ATP10B: variants seen among roughly 807,000 people sequenced by gnomAD.
ATP10B encodes the protein ATPase phospholipid transporting 10B (putative).
ATP10B carries 122 observed loss-of-function variants against 141.2 expected under a neutral mutation model. The ratio of observed to expected loss-of-function variants is 0.86; its 90% confidence interval spans 0.75 to 1.00. ATP10B has a LOEUF of 1.00. Among genes scored for constraint, ATP10B ranks in the 50% least tolerant of loss-of-function variants. The probability of loss-of-function intolerance (pLI) is 0.00; values close to 1 mark genes in which losing one functional copy is unlikely to be tolerated. For synonymous variants in ATP10B, 685 were observed against 692.0 expected, an observed-to-expected ratio of 0.99 and a Z score of 0.16; for missense variants, 1,876 against 1,825.3, an observed-to-expected ratio of 1.03 and a Z score of -0.51.
At chr5:160,733,665 TTATATA>T (rs34394968) in intron 2 of ATP10B, among the ~76,000 whole-genome samples, 4 of 148,350 alleles carry the variant, frequency 2.7e-5, no homozygotes, top group African/African-American at 5.0e-5. Context: ...ATATGTAACG[TTATATA>T]TATATATATA....
chr5:160,672,089 T>G (rs7723424), intron 6 of ATP10B, among the ~76,000 whole-genome samples: 150,360 of 150,882 alleles, frequency 1, 74,921 homozygotes, highest in Middle Eastern at 1. Flanking sequence ...TGATCCTCCT[T>G]CCTCAGCCTC....
chr5:160,790,467 C>T (rs548203453), intron 1 of ATP10B, among the ~76,000 whole-genome samples: 3 of 152,206 alleles, frequency 2.0e-5, no homozygotes, highest in East Asian at 3.9e-4. Context: ...AAACCTAACC[C>T]CTGAAACATC....
chr5:160,873,743 G>T, the ATP10B span, among the ~76,000 whole-genome samples: 1 of 152,228 alleles, frequency 6.6e-6, no homozygotes, highest in Non-Finnish European at 1.5e-5. Flanking sequence ...GGTCAGGGAG[G>T]TCCCTTTCCG....
At chr5:160,794,614 G>C (rs1159827847) in intron 1 of ATP10B, among the ~76,000 whole-genome samples, 2 of 152,128 alleles carry the variant, frequency 1.3e-5, no homozygotes, top group African/African-American at 4.8e-5. Context: ...TTGCAACAGA[G>C]GAAGCCTCAC....
intron 3 of ATP10B, among the ~76,000 whole-genome samples, chr5:160,715,892 G>A (rs1237242580): frequency 6.6e-6 from 1 of 151,908 alleles, no homozygotes; most frequent in Non-Finnish European, 1.5e-5. Context: ...TGTAGTTTTA[G>A]TTGAGATGGG....
intron 2 of ATP10B, among the ~76,000 whole-genome samples, chr5:160,766,310 T>C (rs1429358102): frequency 1.3e-5 from 2 of 149,550 alleles, no homozygotes; most frequent in Non-Finnish European, 3.0e-5. Context: ...AGCCTAAATG[T>C]CCACCAATCA....
intron 1 of ATP10B, among the ~76,000 whole-genome samples, chr5:160,806,389 C>A (rs1393853835): frequency 6.6e-6 from 1 of 152,188 alleles, no homozygotes; most frequent in African/African-American, 2.4e-5. Flanking sequence ...AACAAGCTAG[C>A]AGGCTGAGTT....
intron 1 of ATP10B, among the ~76,000 whole-genome samples, chr5:160,805,597 C>T (rs1772714323): frequency 6.6e-6 from 1 of 152,130 alleles, no homozygotes; most frequent in South Asian, 2.1e-4. Flanking sequence ...CCCACATTCT[C>T]CAGAGCCAGA....
intron 24 of ATP10B, among the ~76,000 whole-genome samples, chr5:160,570,431 A>G (rs1754802635): frequency 6.6e-6 from 1 of 152,180 alleles, no homozygotes; most frequent in South Asian, 2.1e-4. Flanking sequence ...TTTAGTGATT[A>G]CTCAATAAGT....
chr5:160,722,436 C>T (rs1200324019), intron 2 of ATP10B, among the ~76,000 whole-genome samples: 10 of 152,296 alleles, frequency 6.6e-5, no homozygotes, highest in East Asian at 5.8e-4. Context: ...TTTAGCACCA[C>T]GTGAACAGAT....
chr5:160,927,415 C>CT, the ATP10B span, among the ~76,000 whole-genome samples: 3 of 152,172 alleles, frequency 2.0e-5, no homozygotes, highest in Non-Finnish European at 4.4e-5. Context: ...CAGAGCCAGT[C>CT]TTACCATACC....
intron 6 of ATP10B, among the ~76,000 whole-genome samples, chr5:160,682,279 A>G (rs1367372164): frequency 6.6e-6 from 1 of 152,180 alleles, no homozygotes; most frequent in Non-Finnish European, 1.5e-5. Context: ...GAGGGCCAGC[A>G]TATATAATTT....
chr5:160,923,420 A>G, the ATP10B span, among the ~76,000 whole-genome samples: 1 of 152,206 alleles, frequency 6.6e-6, no homozygotes, highest in Non-Finnish European at 1.5e-5. Context: ...AACGATGATG[A>G]CAGTATTTAC....
chr5:160,636,612 GAGAA>G (rs1437298420), intron 10 of ATP10B, among the ~76,000 whole-genome samples: 3 of 152,202 alleles, frequency 2.0e-5, no homozygotes, highest in Admixed American at 2.0e-4. Context: ...GCTGGAAAGA[GAGAA>G]AGAAATACTT....
chr5:160,850,926 T>C (rs989949706), intron 1 of ATP10B, among the ~76,000 whole-genome samples: 3 of 152,222 alleles, frequency 2.0e-5, no homozygotes, highest in East Asian at 1.9e-4. Context: ...AGAGTAATTA[T>C]AGTAACATCT....
chr5:160,694,222 CAA>C (rs766884361), intron 3 of ATP10B, among the ~76,000 whole-genome samples: 3 of 152,164 alleles, frequency 2.0e-5, no homozygotes, highest in Non-Finnish European at 4.4e-5. Context: ...GAACAGGAAA[CAA>C]AGAGGGATTG....
At chr5:160,661,197 CACAAA>C (rs1009700270) in intron 7 of ATP10B, among the ~76,000 whole-genome samples, 10 of 150,758 alleles carry the variant, frequency 6.6e-5, no homozygotes, top group African/African-American at 2.4e-4. Context: ...AAAAAAAAAA[CACAAA>C]ACAAAACAAC....
the ATP10B span, among the ~76,000 whole-genome samples, chr5:160,914,629 G>T: frequency 4.6e-5 from 7 of 152,138 alleles, no homozygotes; most frequent in Non-Finnish European, 7.4e-5. Flanking sequence ...TTCAAGCTTG[G>T]TTAATTCATG....
chr5:160,632,248 C>CT lies in ATP10B; in HGVS notation c.1500dup (p.Gly501ArgfsTer28). 6.2e-7 allele frequency: 1 copy of CT among 1,614,192 alleles called. No homozygotes were observed. The highest frequency in any genetic ancestry group is 1.1e-5 in the South Asian group (1 of 91,086). On this transcript the variant is annotated frameshift_variant, in exon 13 of 26. Coordinates refer to ENST00000327245, the MANE Select transcript of ATP10B (RefSeq NM_025153.3). LOFTEE classifies it high-confidence loss of function. ...TGGCTCCTCCTCAGAGGCTGAGCAC[C>CT]TTTTTGGCTTCTCATAGTTGCTGGA... is the stretch of plus-strand genomic sequence containing the variant.
Sources: allele counts gnomAD v4.1 joint callset (sites outside exome capture counted in the v4.1 genomes callset), GRCh38; gene constraint gnomAD v4.1.1; transcripts MANE v1.5; gene names NCBI Gene and HGNC (gene_info 2026-07-23, HGNC 2026-07-21).